The following TXLNA variants were observed in gnomAD, a reference collection of about 807,000 sequenced individuals.
The protein encoded by TXLNA is alpha-taxilin.
A neutral mutation model predicts 61.4 loss-of-function variants in TXLNA; 9 were observed. The ratio of observed to expected loss-of-function variants is 0.15; its 90% confidence interval spans 0.09 to 0.26. The LOEUF (loss-of-function observed/expected upper bound fraction) is 0.26, where lower values mean the gene tolerates loss of function less well. TXLNA is among the 10% of genes least tolerant of loss of function. The pLI is 1.00. For missense variants in TXLNA, 565 were observed against 688.8 expected (o/e 0.82, Z 2.01); for synonymous variants, 257 against 267.7 (o/e 0.96, Z 0.39).
Position 32,195,305 on chromosome 1 carries a change from C to T in TXLNA, c.*110C>T, listed in dbSNP as rs574306396. On this transcript the variant is annotated 3_prime_UTR_variant, in exon 11 of 11. Coordinates refer to ENST00000373610, the MANE Select transcript of TXLNA (RefSeq NM_175852.4). The stretch of plus-strand genomic sequence containing the variant: ...ATTGCTGAAGCCAGGATGTTCTGAC[C>T]TGGCTGGCATCTGGCACTTGCAATT... The T allele has an allele frequency of 3.5e-5, 46 of 1,322,072 alleles. No individual in the cohort carries two copies. In the African/African-American group the frequency reaches 6.4e-4, roughly 18 times the overall value. 81.9% of individuals were successfully genotyped at this position (1,322,072 alleles called of 1,614,324 possible).
In TXLNA at chr1:32,192,314, A is replaced by G; in HGVS notation, c.967A>G (p.Ile323Val). Residue 323 changes from isoleucine (I) to valine (V), a missense_variant, in exon 7 of 11, where the codon ATC (isoleucine) becomes GTC (valine). Physicochemically the swap from Ile to Val is conservative, Grantham distance 29. Around this residue, in one of 2 missense-constraint regions of TXLNA, gnomAD observed 373 missense variants for 504.0 expected, o/e 0.74. Transcript: ENST00000373610. The surrounding 1 kb of genome is among the most constrained non-coding windows in gnomAD (Gnocchi z 4.2). ...IEQYELREEH[I>V]DKVFKHKDLQ... The stretch of plus-strand genomic sequence containing the variant: ...GCTCCCACCATCTTTGTTGCAGCAT[A>G]TCGACAAAGTCTTCAAACACAAGGA... 1 of 1,613,920 alleles carries G rather than the reference A, an allele frequency of 6.2e-7. No homozygotes were observed. Among genetic ancestry groups the G allele is most frequent in the Non-Finnish European group, 8.5e-7 (1 of 1,179,814 alleles).
At chr1:32,188,848 G>A (rs1022498046) in intron 5 of TXLNA, among the ~76,000 whole-genome samples, 2 of 152,206 alleles carry the variant, frequency 1.3e-5, no homozygotes, top group Non-Finnish European at 2.9e-5. Context: ...CTGACAAGCA[G>A]CTCTTGTCCC....
In TXLNA at chr1:32,180,491, G is replaced by A. The variant is rs201188724; in HGVS notation, c.146G>A (p.Ser49Asn). ...PAVEAEGPGSSQAPRKPEGAQ... is the reference protein window; with the variant it reads ...PAVEAEGPGSNQAPRKPEGAQ... ...GTAGAAGCAGAAGGTCCCGGCAGCAGCCAGGCTCCTCGGAAGCCGGAGGGT... is the reference window on the plus strand; with the variant it reads ...GTAGAAGCAGAAGGTCCCGGCAGCAACCAGGCTCCTCGGAAGCCGGAGGGT... Residue 49 changes from serine to asparagine, a missense_variant, in exon 2 of 11, where the codon AGC (serine) becomes AAC (asparagine). Physicochemically the swap from Ser to Asn is conservative, Grantham distance 46. Around this residue, in one of 2 missense-constraint regions of TXLNA, gnomAD observed 192 missense variants for 184.8 expected, o/e 1.04. Coordinates refer to ENST00000373610, the MANE Select transcript of TXLNA (RefSeq NM_175852.4). The A allele has an allele frequency of 1.4e-4, 220 of 1,607,930 alleles. No individual in the cohort carries two copies. The highest frequency in any genetic ancestry group is 5.9e-4 in the Admixed American group (35 of 58,864).
At chr1:32,181,081 AT>A (rs909888144) in intron 2 of TXLNA, among the ~76,000 whole-genome samples, 160 bp from the exon 3 acceptor site, 1 of 152,158 alleles carries the variant, frequency 6.6e-6, no homozygotes, top group African/African-American at 2.4e-5. Flanking sequence ...CAGGAACTAG[AT>A]TTGCTGAATG....
At chr1:32,184,138 C>G (rs1046891830) in intron 3 of TXLNA, among the ~76,000 whole-genome samples, 1 of 152,142 alleles carries the variant, frequency 6.6e-6, no homozygotes, top group African/African-American at 2.4e-5. Flanking sequence ...TGGATCCTAC[C>G]TCTATCAGGA....
At position 32,185,587 on chromosome 1, in the gene TXLNA, A is replaced by G. The variant is rs545123290; in HGVS notation, c.597+971A>G. Among the ~76,000 whole-genome samples the G allele has an allele frequency of 1.0e-4, 13 of 128,490 alleles. No individual in the cohort carries two copies. In the East Asian group the frequency reaches 2.5e-3, roughly 24 times the overall value. 84.3% of individuals were successfully genotyped at this position (128,490 alleles called of 152,430 possible). ...TTTTTTTTTTTTTTTTTTTTAGTAG[A>G]GACGGGGTTTCACCGTGTTAGCCAG... On this transcript the variant is annotated intron_variant, in intron 4 of 10. Coordinates refer to ENST00000373610, the MANE Select transcript of TXLNA (RefSeq NM_175852.4).
rs1203538471 is a variant in TXLNA at position 32,192,599 on chromosome 1, A to C, written c.1084-58A>C. 1 of 1,609,424 alleles carries C rather than the reference A, an allele frequency of 6.2e-7. No homozygotes were observed. The highest frequency in any genetic ancestry group is 1.3e-5 in the African/African-American group (1 of 74,778). ...AGTGGGTCTGGTGCTTGTGGCTAAA[A>C]ACCAAACATAGCCCCTGGGGGCTTC... is the stretch of plus-strand genomic sequence containing the variant. On this transcript the variant is annotated intron_variant, in intron 7 of 10. Coordinates refer to ENST00000373610, the MANE Select transcript of TXLNA (RefSeq NM_175852.4). This position sits in a 1 kb window ranked among gnomAD's most constrained non-coding sequence, Gnocchi z 4.2.
rs147645309 is a variant in TXLNA, at chr1:32,180,355, C to G, written c.10C>G (p.Gln4Glu). The change falls in exon 2 of 11, where the codon CAA becomes GAA. Residue 4 changes from glutamine (Q) to glutamate (E), a missense_variant. This residue lies in a region of TXLNA where 192 missense variants were observed against 184.8 expected (regional missense o/e 1.04). Coordinates refer to ENST00000373610, the MANE Select transcript of TXLNA (RefSeq NM_175852.4). MKN[Q>E]DKKNGAAKQS... The stretch of plus-strand genomic sequence containing the variant: ...AGCATCGCTCATCACAATGAAGAAC[C>G]AAGACAAAAAGAACGGGGCTGCCAA... 17 of 1,611,218 alleles carry G rather than the reference C, an allele frequency of 1.1e-5. No homozygotes were observed. The African/African-American group carries it at 2.0e-4, about 19-fold the overall frequency.
In TXLNA at chr1:32,195,639, T is replaced by G. The variant is rs1305275000; in HGVS notation, c.*444T>G. ...CTGCATTTGTCTTGTGAGCAGGGCT[T>G]GCTTGGTCAGCTCAGGCCCTCCTAG... On this transcript the variant is annotated 3_prime_UTR_variant, in exon 11 of 11. Coordinates refer to ENST00000373610, the MANE Select transcript of TXLNA (RefSeq NM_175852.4). 2.3e-6 allele frequency: 1 copy of G among 440,592 alleles called. No homozygotes were observed. The highest frequency in any genetic ancestry group is 4.5e-6 in the Non-Finnish European group (1 of 221,644). 27.3% of individuals were successfully genotyped at this position (440,592 alleles called of 1,614,324 possible). A position where few individuals can be genotyped will look rare whatever the true frequency, so the allele number is the denominator to read the frequency against.
intron 5 of TXLNA, among the ~76,000 whole-genome samples, chr1:32,189,151 A>G (rs535377712): frequency 6.6e-6 from 1 of 152,100 alleles, no homozygotes; most frequent in Admixed American, 6.5e-5. Flanking sequence ...GTTGTTTACA[A>G]TTTTTCATTA....
Position 32,180,298 on chromosome 1 carries a change from GT to G in TXLNA, c.-32-15del. 1 of 1,549,610 alleles carries G rather than the reference GT, an allele frequency of 6.5e-7. No homozygotes were observed. ...TTTCGAAGTCTGGAAAATAGCAACT[GT>G]GTTTGTTTCTAAAGGATCTTCTCCT... On this transcript the variant is annotated splice_polypyrimidine_tract_variant and intron_variant, in intron 1 of 10. Coordinates refer to ENST00000373610, the MANE Select transcript of TXLNA (RefSeq NM_175852.4).
At chr1:32,181,200 C>T (rs556921539) in intron 2 of TXLNA, 42 bp from the exon 3 acceptor site, 1 of 1,470,492 alleles carries the variant, frequency 6.8e-7, no homozygotes, top group African/African-American at 1.4e-5. Flanking sequence ...GTGGTATAAT[C>T]GTCTTCTTTC....
intron 5 of TXLNA, among the ~76,000 whole-genome samples, chr1:32,188,786 C>T (rs775426878): frequency 1.3e-5 from 2 of 152,132 alleles, no homozygotes; most frequent in South Asian, 2.1e-4. Flanking sequence ...AATGCACTGG[C>T]GTTAGTATTT....
chr1:32,190,213 C>T lies in TXLNA; in HGVS notation c.927C>T (p.Leu309=). The T allele has an allele frequency of 1.2e-6, 2 of 1,605,928 alleles. No homozygotes were observed. Among genetic ancestry groups the T allele is most frequent in the South Asian group, 1.1e-5 (1 of 89,394 alleles). The change falls in exon 6 of 11, where the codon CTC becomes CTT. Residue 309 remains leucine (L), a synonymous_variant. Coordinates refer to ENST00000373610, the MANE Select transcript of TXLNA (RefSeq NM_175852.4). ...AGAACATGGAGCTGGCTGAGAGGCT[C>T]AAGAAGCTGATTGAGCAGTATGAGC... ...RQENMELAER[L]KKLIEQYELR...
intron 5 of TXLNA, among the ~76,000 whole-genome samples, chr1:32,188,661 G>C (rs1642840487): frequency 6.6e-6 from 1 of 152,032 alleles, no homozygotes; most frequent in Non-Finnish European, 1.5e-5. Flanking sequence ...AAGTAGTGCA[G>C]GCTTGTGGCA....
At chr1:32,180,025 G>C (rs1280729543) in intron 1 of TXLNA, 1 of 211,998 alleles carries the variant, frequency 4.7e-6, no homozygotes, top group Non-Finnish European at 9.5e-6. Context: ...CTCCGGCCCT[G>C]AGCCAATCCC....
chr1:32,191,536 T>C (rs1642906481), intron 6 of TXLNA, among the ~76,000 whole-genome samples: 2 of 152,090 alleles, frequency 1.3e-5, no homozygotes, highest in Admixed American at 1.3e-4. Flanking sequence ...TTCAAGAATC[T>C]GAATACCCCC....
In TXLNA at chr1:32,181,376, G is replaced by C; in HGVS notation, c.304G>C (p.Gly102Arg). The C allele has an allele frequency of 6.2e-7, 1 of 1,614,196 alleles. No homozygotes were observed. The highest frequency in any genetic ancestry group is 8.5e-7 in the Non-Finnish European group (1 of 1,180,038). Residue 102 changes from glycine (G) to arginine (R), a missense_variant, in exon 3 of 11, where the codon GGT (glycine) becomes CGT (arginine). Around this residue, in one of 2 missense-constraint regions of TXLNA, gnomAD observed 192 missense variants for 184.8 expected, o/e 1.04. Transcript: ENST00000373610. ...QGGPGEDGAQ[G>R]EPAEPEDAEK... is the part of the protein sequence containing the mutation. ...GGGCCCCGGCGAGGATGGGGCACAG[G>C]GTGAGCCGGCTGAACCCGAAGATGC... is the stretch of plus-strand genomic sequence containing the variant.
chr1:32,194,012 G>GGTGCAGTCCCC, intron 9 of TXLNA, 53 bp from the exon 10 acceptor site: 1 of 1,484,160 alleles, frequency 6.7e-7, no homozygotes, highest in Admixed American at 1.8e-5. Flanking sequence ...TGGAGACACA[G>GGTGCAGTCCCC]ACCTTGGAGA....
Sources: gnomAD v4.1 joint callset for allele counts (sites outside exome capture counted in the v4.1 genomes callset) on GRCh38, gnomAD v4.1.1 for gene constraint, gnomAD v4.1.1 regional missense constraint, Gnocchi (gnomAD v3.1) non-coding constraint, MANE v1.5 for transcripts, NCBI Gene and HGNC (gene_info 2026-07-23, HGNC 2026-07-21) for gene names.